Variants in SLC37A1 observed in about 807,000 individuals in gnomAD.
The protein encoded by SLC37A1 is glucose-6-phosphate exchanger SLC37A1.
In SLC37A1, 49 loss-of-function variants were observed where a neutral mutation model predicts 75.3. The observed-to-expected ratio is 0.65, with a 90% CI of 0.52 to 0.83. The LOEUF is 0.83. Ranked by LOEUF, SLC37A1 falls within the 40% of genes least tolerant of loss-of-function variation. The pLI is 0.00. For synonymous variants in SLC37A1, 268 were observed against 292.1 expected (o/e 0.92, Z 0.84); for missense variants, 566 against 695.0 (o/e 0.81, Z 2.09).
intron 5 of SLC37A1, among the ~76,000 whole-genome samples, chr21:42,538,290 G>T (rs2055191446): frequency 6.6e-6 from 1 of 152,158 alleles, no homozygotes; most frequent in African/African-American, 2.4e-5. Flanking sequence ...GTGTGGTGAG[G>T]TTTTAGCTGA....
chr21:42,571,508 G>T (rs2056163491), intron 17 of SLC37A1, among the ~76,000 whole-genome samples: 1 of 152,142 alleles, frequency 6.6e-6, no homozygotes, highest in Non-Finnish European at 1.5e-5. Flanking sequence ...TTATTATGTT[G>T]TACAGCGGCG....
At position 42,574,843 on chromosome 21, in the gene SLC37A1, T is replaced by C. The variant is rs539070885; in HGVS notation, c.1449T>C (p.Ala483=). ...GAGCAGCCCTGGGCCCCCTGCTGGC[T>C]GGGCTCCTCTCCCCGTCCGGCTGGA... The part of the protein sequence containing the change: ...SVGAALGPLL[A]GLLSPSGWSN... Residue 483 remains alanine (A), a synonymous_variant, in exon 18 of 20, where the codon GCT becomes GCC. Transcript: ENST00000352133. The C allele has an allele frequency of 5.6e-5, 91 of 1,614,212 alleles. No homozygotes were observed. In the African/African-American group the frequency reaches 1.0e-3, roughly 18 times the overall value.
intron 2 of SLC37A1, among the ~76,000 whole-genome samples, chr21:42,524,686 C>T (rs971324629): frequency 1.3e-5 from 2 of 152,252 alleles, no homozygotes; most frequent in Non-Finnish European, 2.9e-5. Flanking sequence ...GCTTTGTAAA[C>T]TCAAGTGTGC....
intron 18 of SLC37A1, among the ~76,000 whole-genome samples, chr21:42,578,791 G>C (rs1162852139): frequency 6.6e-6 from 1 of 152,168 alleles, no homozygotes; most frequent in Non-Finnish European, 1.5e-5. Flanking sequence ...GCTCCTACTT[G>C]AACCACAAGC....
rs113058614 is a variant in SLC37A1 at position 42,570,280 on chromosome 21, C to T, written c.1423+1842C>T. Among the ~76,000 whole-genome samples the T allele has an allele frequency of 1.7e-3, 154 of 93,218 alleles. 22 individuals are homozygous for T. Among genetic ancestry groups the T allele is most frequent in the African/African-American group, 6.0e-3 (122 of 20,478 alleles). The allele number at this position is 93,218 out of a possible 152,430, so 61.2% of individuals were successfully genotyped here. A position where few individuals can be genotyped will look rare whatever the true frequency, so the allele number is the denominator to read the frequency against. On this transcript the variant is annotated intron_variant, in intron 17 of 19. Coordinates refer to ENST00000352133, the MANE Select transcript of SLC37A1 (RefSeq NM_001320537.2). Reference sequence around the variant, plus strand: ...TCTGAGAAGCGGCAGGCAGGGTGGCCGTTGTCATGCGACACACGGCCTGGT... The same window carrying T: ...TCTGAGAAGCGGCAGGCAGGGTGGCTGTTGTCATGCGACACACGGCCTGGT...
intron 7 of SLC37A1, 67 bp downstream of exon 7, chr21:42,542,547 G>A (rs2055309966): frequency 6.7e-7 from 1 of 1,497,134 alleles, no homozygotes; most frequent in Non-Finnish European, 9.3e-7. Context: ...TAGTTTTTCT[G>A]TAGACTGATT....
chr21:42,543,359 AC>A, intron 7 of SLC37A1, 76 bp from the exon 8 acceptor site: 1 of 1,554,510 alleles, frequency 6.4e-7, no homozygotes, highest in Non-Finnish European at 8.9e-7. Context: ...CTTTGCAGGC[AC>A]TGCTGCGCCC....
At chr21:42,532,758 G>A (rs961114355) in intron 3 of SLC37A1, among the ~76,000 whole-genome samples, 1 of 152,106 alleles carries the variant, frequency 6.6e-6, no homozygotes, top group African/African-American at 2.4e-5. Flanking sequence ...AAGCAGTTGG[G>A]GAGCAAATGA....
At chr21:42,506,295 T>C (rs572270977) in intron 2 of SLC37A1, among the ~76,000 whole-genome samples, 7 of 152,316 alleles carry the variant, frequency 4.6e-5, no homozygotes, top group Middle Eastern at 3.4e-3. Flanking sequence ...ATATTAAGGA[T>C]GGTGAGAGGG....
intron 8 of SLC37A1, among the ~76,000 whole-genome samples, chr21:42,546,293 GTTCCTT>G (rs2055405332): frequency 6.6e-6 from 1 of 152,190 alleles, no homozygotes; most frequent in Non-Finnish European, 1.5e-5. Flanking sequence ...TTCTGGTTCT[GTTCCTT>G]TTCAAGTTTC....
chr21:42,534,601 C>T (rs955243363), intron 3 of SLC37A1, 97 bp from the exon 4 acceptor site: 42 of 1,457,672 alleles, frequency 2.9e-5, no homozygotes, highest in Non-Finnish European at 3.9e-5. Flanking sequence ...GGGCAGGCTG[C>T]TGGGAGAGGA....
chr21:42,555,029 A>C (rs1217811860), intron 10 of SLC37A1, among the ~76,000 whole-genome samples: 2 of 132,494 alleles, frequency 1.5e-5, no homozygotes, highest in African/African-American at 5.8e-5. Flanking sequence ...TCTGTCGCCC[A>C]GTCTGGAGTG....
intron 8 of SLC37A1, 149 bp downstream of exon 8, chr21:42,543,751 TC>T (rs2055341662): frequency 5.4e-6 from 4 of 739,790 alleles, no homozygotes; most frequent in African/African-American, 1.8e-5. Context: ...CAGGGAGACT[TC>T]CCCGGGGAGC....
intron 2 of SLC37A1, among the ~76,000 whole-genome samples, chr21:42,508,092 C>A (rs1340658261): frequency 6.6e-6 from 1 of 150,610 alleles, no homozygotes. Flanking sequence ...ACACAGTTTA[C>A]CAAACTATAA....
At chr21:42,515,104 G>T (rs936220273) in intron 1 of SLC37A1, among the ~76,000 whole-genome samples, 2 of 152,152 alleles carry the variant, frequency 1.3e-5, no homozygotes, top group East Asian at 3.8e-4. Flanking sequence ...TTTGTTGGGG[G>T]TTGGAGGCAG....
intron 17 of SLC37A1, among the ~76,000 whole-genome samples, chr21:42,572,201 A>G (rs2056190178): frequency 6.6e-6 from 1 of 151,894 alleles, no homozygotes; most frequent in African/African-American, 2.4e-5. Context: ...AGACATTCTG[A>G]CCCCAGCCCT....
chr21:42,542,145 C>T (rs942322535), intron 6 of SLC37A1, among the ~76,000 whole-genome samples: 2 of 151,978 alleles, frequency 1.3e-5, no homozygotes, highest in South Asian at 4.1e-4. Context: ...GGTTTTTTTT[C>T]CTCGCTTTTC....
intron 5 of SLC37A1, 72 bp downstream of exon 5, chr21:42,535,622 G>A: frequency 1.5e-6 from 2 of 1,369,206 alleles, no homozygotes; most frequent in Non-Finnish European, 2.1e-6. Context: ...CATCCGCTAT[G>A]CTGAAGTGCA....
chr21:42,571,102 C>A (rs2056152892), intron 17 of SLC37A1, among the ~76,000 whole-genome samples: 1 of 152,220 alleles, frequency 6.6e-6, no homozygotes, highest in South Asian at 2.1e-4. Context: ...TACCCACCCC[C>A]ACCACCACGC....
Sources: allele counts gnomAD v4.1 joint callset (sites outside exome capture counted in the v4.1 genomes callset), GRCh38; gene constraint gnomAD v4.1.1; transcripts MANE v1.5; gene names NCBI Gene and HGNC (gene_info 2026-07-23, HGNC 2026-07-21).